The following KCND3 variants were observed in gnomAD, a reference collection of about 807,000 sequenced individuals.
KCND3 encodes the protein A-type voltage-gated potassium channel KCND3.
In KCND3, 9 loss-of-function variants were observed where a neutral mutation model predicts 51.1. The ratio of observed to expected loss-of-function variants is 0.18; its 90% CI spans 0.11 to 0.31. KCND3 has a LOEUF of 0.31. Ranked by LOEUF, KCND3 falls within the 10% of genes least tolerant of loss-of-function variation. The pLI is 1.00. For missense variants in KCND3, 526 were observed against 903.8 expected, an observed-to-expected ratio of 0.58 and a Z score of 5.36; for synonymous variants, 349 against 368.0, an observed-to-expected ratio of 0.95 and a Z score of 0.59.
intron 2 of KCND3, among the ~76,000 whole-genome samples, chr1:111,963,668 C>A (rs1398506552): frequency 6.6e-6 from 1 of 152,196 alleles, no homozygotes; most frequent in Non-Finnish European, 1.5e-5. Flanking sequence ...ATCTCTAGTT[C>A]CAGTGAGGGC....
At chr1:111,888,170 C>A (rs1669654986) in intron 2 of KCND3, among the ~76,000 whole-genome samples, 1 of 152,212 alleles carries the variant, frequency 6.6e-6, no homozygotes, top group African/African-American at 2.4e-5. Context: ...GGGACTTACG[C>A]AGTGGATGCC....
Position 111,989,524 on chromosome 1 carries a change from GGCCCCGCGCCCGGC to G in KCND3, c.-106_-93del, listed in dbSNP as rs1352473950. ...TCTTACCTTCCGCGAAGCCAGCCCG[GGCCCCGCGCCCGGC>G]GCCCCGCGCGCGCGAGGAAGCTGCG... On this transcript the variant is annotated 5_prime_UTR_variant, in exon 1 of 8. Coordinates refer to ENST00000302127, the MANE Select transcript of KCND3 (RefSeq NM_001378969.1). 1.3e-4 allele frequency among the ~76,000 whole-genome samples: 19 copies of G among 150,834 alleles called. No homozygotes were observed.
intron 2 of KCND3, among the ~76,000 whole-genome samples, chr1:111,971,669 A>G (rs1674339108): frequency 6.6e-6 from 1 of 152,032 alleles, no homozygotes; most frequent in African/African-American, 2.4e-5. Flanking sequence ...CTGTCTGCCA[A>G]ACACCTCAAG....
intron 2 of KCND3, among the ~76,000 whole-genome samples, chr1:111,966,643 A>G (rs1674005355): frequency 6.6e-6 from 1 of 152,208 alleles, no homozygotes; most frequent in Admixed American, 6.5e-5. Flanking sequence ...GGACAGATGT[A>G]TCACAGGTCC....
intron 2 of KCND3, among the ~76,000 whole-genome samples, chr1:111,845,902 C>T (rs1389798809): frequency 6.9e-6 from 1 of 145,838 alleles, no homozygotes; most frequent in Admixed American, 6.7e-5. Context: ...ATGCCTTCAA[C>T]ATTGCTGTCC....
At chr1:111,832,702 A>ATG (rs1666893341) in intron 2 of KCND3, among the ~76,000 whole-genome samples, 1 of 152,118 alleles carries the variant, frequency 6.6e-6, no homozygotes, top group Admixed American at 6.5e-5. Context: ...CCCGCCCAGA[A>ATG]TGCAGTGGCA....
chr1:111,789,872 T>A (rs1664757599), intron 2 of KCND3, among the ~76,000 whole-genome samples: 1 of 152,218 alleles, frequency 6.6e-6, no homozygotes, highest in Non-Finnish European at 1.5e-5. Context: ...CAGTTCTTTA[T>A]ACCCTTGACA....
At chr1:111,830,541 C>T (rs1003065398) in intron 2 of KCND3, among the ~76,000 whole-genome samples, 2 of 152,224 alleles carry the variant, frequency 1.3e-5, no homozygotes, top group African/African-American at 4.8e-5. Context: ...GACAACCCTA[C>T]CCTTGCAGGA....
At chr1:111,939,045 C>T (rs72694622) in intron 2 of KCND3, among the ~76,000 whole-genome samples, 19,612 of 152,154 alleles carry the variant, frequency 0.13, 1,619 homozygotes, top group Non-Finnish European at 0.18. Flanking sequence ...CACCAGGAAA[C>T]TTATTAGAAG....
chr1:111,824,215 T>G (rs1666475493), intron 2 of KCND3, among the ~76,000 whole-genome samples: 1 of 151,554 alleles, frequency 6.6e-6, no homozygotes, highest in African/African-American at 2.4e-5. Flanking sequence ...GGAGAAATAC[T>G]GACAGCTCCA....
intron 2 of KCND3, among the ~76,000 whole-genome samples, chr1:111,867,210 A>G (rs1176204582): frequency 6.6e-6 from 1 of 152,022 alleles, no homozygotes; most frequent in African/African-American, 2.4e-5. Flanking sequence ...CTTGCCCGTC[A>G]TTTTCTAGGC....
intron 2 of KCND3, among the ~76,000 whole-genome samples, chr1:111,801,178 GGTTA>G (rs1380148828): frequency 5.9e-4 from 90 of 152,348 alleles, no homozygotes; most frequent in African/African-American, 2.0e-3. Context: ...GACTAGCCCT[GGTTA>G]GTGCCAAAGT....
At chr1:111,950,113 G>A (rs1056847778) in intron 2 of KCND3, among the ~76,000 whole-genome samples, 3 of 152,108 alleles carry the variant, frequency 2.0e-5, no homozygotes, top group East Asian at 1.9e-4. Flanking sequence ...GCTTCACCAC[G>A]TTGGCCAGGC....
intron 2 of KCND3, among the ~76,000 whole-genome samples, chr1:111,903,103 G>C (rs1011804323): frequency 3.3e-5 from 5 of 152,310 alleles, no homozygotes; most frequent in Admixed American, 1.3e-4. Flanking sequence ...GCTGTCCAGA[G>C]AAAGAGGTGG....
At chr1:111,916,457 C>G (rs1671222646) in intron 2 of KCND3, among the ~76,000 whole-genome samples, 1 of 152,028 alleles carries the variant, frequency 6.6e-6, no homozygotes, top group Non-Finnish European at 1.5e-5. Flanking sequence ...AATGTTTATA[C>G]TGGAAAATAA....
chr1:111,821,788 C>T (rs1342963389), intron 2 of KCND3, among the ~76,000 whole-genome samples: 2 of 152,176 alleles, frequency 1.3e-5, no homozygotes, highest in Admixed American at 6.5e-5. Context: ...GCCAGGGGGA[C>T]AGTCCCTGGG....
intron 2 of KCND3, among the ~76,000 whole-genome samples, chr1:111,943,155 G>A (rs1036044930): frequency 2.0e-5 from 3 of 152,106 alleles, no homozygotes; most frequent in East Asian, 1.9e-4. Flanking sequence ...TGGACGGGGC[G>A]GGGTGGCATT....
At chr1:111,786,389 C>A (rs1664603416) in intron 3 of KCND3, among the ~76,000 whole-genome samples, 1 of 152,228 alleles carries the variant, frequency 6.6e-6, no homozygotes, top group Non-Finnish European at 1.5e-5. Context: ...TTCCCCAGGA[C>A]TGATGGTTAG....
chr1:111,887,329 T>C (rs1174618474), intron 2 of KCND3, among the ~76,000 whole-genome samples: 1 of 151,530 alleles, frequency 6.6e-6, no homozygotes, highest in African/African-American at 2.4e-5. Flanking sequence ...AGGGTGCGGG[T>C]GGAGAGGGAT....
Sources: gnomAD v4.1 joint callset for allele counts (sites outside exome capture counted in the v4.1 genomes callset) on GRCh38, gnomAD v4.1.1 for gene constraint, MANE v1.5 for transcripts, NCBI Gene and HGNC (gene_info 2026-07-23, HGNC 2026-07-21) for gene names.